The following DSTYK variants were observed in gnomAD, a reference collection of about 807,000 sequenced individuals.
DSTYK encodes the protein RIP-homologous kinase.
DSTYK carries 34 observed loss-of-function variants against 98.7 expected under a neutral mutation model. The observed-to-expected ratio is 0.34, with a 90% confidence interval of 0.26 to 0.46. The LOEUF is 0.46. Ranked by LOEUF, DSTYK falls within the 20% of genes least tolerant of loss-of-function variation. DSTYK has a pLI of 1.00. For missense variants in DSTYK, 962 were observed against 1,181.7 expected, an observed-to-expected ratio of 0.81 and a Z score of 2.73; for synonymous variants, 462 against 457.3, an observed-to-expected ratio of 1.01 and a Z score of -0.13.
chr1:205,185,828 C>T (rs764556691), intron 2 of DSTYK, among the ~76,000 whole-genome samples: 9 of 151,734 alleles, frequency 5.9e-5, no homozygotes, highest in Non-Finnish European at 1.3e-4. Flanking sequence ...TTCTAGGCCA[C>T]CCTGGCAAAC....
In DSTYK at chr1:205,149,204, A is replaced by AGTT. The variant is rs1657332723; in HGVS notation, c.2468-868_2468-866dup. Among the ~76,000 whole-genome samples the AGTT allele has an allele frequency of 2.6e-5, 4 of 151,480 alleles. 1 individual carries two copies. In the South Asian group the frequency reaches 8.3e-4, roughly 32 times the overall value. On this transcript the variant is annotated intron_variant, in intron 11 of 12. Coordinates refer to ENST00000367162, the MANE Select transcript of DSTYK (RefSeq NM_015375.3). Reference sequence around the variant, plus strand: ...ACATGAGCCACCGCACCTGGCCGAAAGTTTTTTTTTTTTTAAGTAAATCAA... The same window carrying AGTT: ...ACATGAGCCACCGCACCTGGCCGAAAGTTGTTTTTTTTTTTTTAAGTAAATCAA...
intron 1 of DSTYK, among the ~76,000 whole-genome samples, chr1:205,196,272 T>C (rs924587589): frequency 2.6e-5 from 4 of 152,140 alleles, no homozygotes; most frequent in Admixed American, 6.5e-5. Flanking sequence ...AAAATCACCA[T>C]TGGGCTGCAC....
chr1:205,156,963 G>A (rs936509984), intron 10 of DSTYK, among the ~76,000 whole-genome samples: 1 of 152,088 alleles, frequency 6.6e-6, no homozygotes, highest in African/African-American at 2.4e-5. Context: ...GTTTTGTAAG[G>A]GGCTTTACCC....
intron 1 of DSTYK, among the ~76,000 whole-genome samples, chr1:205,209,105 A>T (rs1659289442): frequency 6.6e-6 from 1 of 152,234 alleles, no homozygotes; most frequent in Non-Finnish European, 1.5e-5. Flanking sequence ...AGTGAAATGC[A>T]AAGGTATATT....
At chr1:205,198,602 T>C (rs1658937059) in intron 1 of DSTYK, among the ~76,000 whole-genome samples, 1 of 152,184 alleles carries the variant, frequency 6.6e-6, no homozygotes, top group South Asian at 2.1e-4. Context: ...TCCATACTGG[T>C]TCATTCTCAC....
chr1:205,161,983 G>C, intron 6 of DSTYK, 53 bp downstream of exon 6: 2 of 1,566,944 alleles, frequency 1.3e-6, no homozygotes, highest in Non-Finnish European at 1.7e-6. Context: ...TTCCCATCTG[G>C]ATGAGGCTCT....
intron 3 of DSTYK, among the ~76,000 whole-genome samples, chr1:205,165,242 AC>A (rs1361158878): frequency 6.6e-6 from 1 of 151,942 alleles, no homozygotes; most frequent in Non-Finnish European, 1.5e-5. Flanking sequence ...ACAGGCACCC[AC>A]CACCACGCCA....
Position 205,202,078 on chromosome 1 carries a change from G to C in DSTYK, c.265+9193C>G, listed in dbSNP as rs554825103. On this transcript the variant is annotated intron_variant, in intron 1 of 12. Transcript: ENST00000367162. The stretch of plus-strand genomic sequence containing the variant: ...TGTGGGAAACTCGGGAAGGGGAGAG[G>C]GGAAAGGGAGAAGGGGAAGGGAGAG... 7.7e-6 allele frequency: 3 copies of C among 388,740 alleles called. No homozygotes were observed. In the Admixed American group the frequency reaches 9.6e-5, roughly 12 times the overall value. 24.1% of individuals were successfully genotyped at this position (388,740 alleles called of 1,614,324 possible). A position where few individuals can be genotyped will look rare whatever the true frequency, so the allele number is the denominator to read the frequency against.
intron 1 of DSTYK, among the ~76,000 whole-genome samples, chr1:205,195,186 C>T (rs1185038018): frequency 6.6e-6 from 1 of 151,918 alleles, no homozygotes; most frequent in Non-Finnish European, 1.5e-5. Context: ...ACTTAAGTCC[C>T]CTCTGAAAGT....
intron 3 of DSTYK, among the ~76,000 whole-genome samples, chr1:205,168,218 T>C (rs1021505368): frequency 7.9e-5 from 12 of 152,170 alleles, no homozygotes; most frequent in African/African-American, 2.9e-4. Flanking sequence ...CATCAGTAAC[T>C]GGAAACAGAT....
At chr1:205,158,934 C>T (rs1009759377) in intron 9 of DSTYK, among the ~76,000 whole-genome samples, 1 of 152,164 alleles carries the variant, frequency 6.6e-6, no homozygotes, top group Non-Finnish European at 1.5e-5. Context: ...TATCCTCCTA[C>T]AGCAAAAATG....
intron 5 of DSTYK, among the ~76,000 whole-genome samples, chr1:205,162,444 A>C (rs1307858087): frequency 2.0e-5 from 3 of 152,208 alleles, no homozygotes; most frequent in Admixed American, 1.3e-4. Context: ...CAAACCCTCA[A>C]TATATTACAT....
At chr1:205,148,454 C>G in intron 11 of DSTYK, 115 bp from the exon 12 acceptor site, 1 of 1,285,542 alleles carries the variant, frequency 7.8e-7, no homozygotes, top group Non-Finnish European at 1.1e-6. Flanking sequence ...CAACTATTAT[C>G]TCTCAATAAC....
At chr1:205,205,944 T>A (rs1294553884) in intron 1 of DSTYK, among the ~76,000 whole-genome samples, 4 of 152,244 alleles carry the variant, frequency 2.6e-5, no homozygotes, top group African/African-American at 9.6e-5. Flanking sequence ...GCATTCTGCT[T>A]TTTTATGTAC....
At chr1:205,168,444 T>A (rs1190104434) in intron 3 of DSTYK, among the ~76,000 whole-genome samples, 2 of 152,150 alleles carry the variant, frequency 1.3e-5, no homozygotes, top group Non-Finnish European at 2.9e-5. Context: ...ATGTCAGAAA[T>A]CGTGAGTAAG....
At chr1:205,198,343 C>T (rs1028767916) in intron 1 of DSTYK, among the ~76,000 whole-genome samples, 2 of 152,188 alleles carry the variant, frequency 1.3e-5, no homozygotes, top group Non-Finnish European at 2.9e-5. Flanking sequence ...CAACAAACCA[C>T]TTTTCCAAGT....
intron 2 of DSTYK, among the ~76,000 whole-genome samples, chr1:205,170,709 C>T (rs1658033525): frequency 1.3e-5 from 2 of 152,138 alleles, no homozygotes; most frequent in Admixed American, 1.3e-4. Context: ...TATCTAGTCT[C>T]CATGTTATAA....
chr1:205,198,031 T>C (rs1015843343), intron 1 of DSTYK, among the ~76,000 whole-genome samples: 7 of 151,968 alleles, frequency 4.6e-5, no homozygotes, highest in Non-Finnish European at 1.0e-4. Context: ...CCGTCTCTAT[T>C]AAAAATACAG....
In DSTYK at chr1:205,157,126, G is replaced by A. The variant is rs115036097; in HGVS notation, c.2352+147C>T. On this transcript the variant is annotated intron_variant, in intron 10 of 12. Transcript: ENST00000367162. ...TTTCTTTATAAATTACCCAGTCTTA[G>A]GTATGTCTTTACTAGCAGCGTGAGA... 2,512 of 644,358 alleles carry A rather than the reference G, an allele frequency of 3.9e-3. 61 individuals carry two copies. The African/African-American group carries it at 0.041, about 10-fold the overall frequency. 39.9% of individuals were successfully genotyped at this position (644,358 alleles called of 1,614,324 possible).
Sources: allele counts gnomAD v4.1 joint callset (sites outside exome capture counted in the v4.1 genomes callset), GRCh38; gene constraint gnomAD v4.1.1; transcripts MANE v1.5; gene names NCBI Gene and HGNC (gene_info 2026-07-23, HGNC 2026-07-21).